Variants in HIVEP3 observed in about 807,000 individuals in gnomAD.
HIVEP3 encodes transcription factor HIVEP3.
A neutral mutation model predicts 152.8 loss-of-function variants in HIVEP3; 49 were observed. The ratio of observed to expected loss-of-function variants is 0.32; its 90% CI spans 0.26 to 0.41. HIVEP3 has a LOEUF of 0.41. Ranked by LOEUF, HIVEP3 falls within the 10% of genes least tolerant of loss-of-function variation. The pLI is 1.00. For synonymous variants in HIVEP3, 1,269 were observed against 1,289.0 expected, an observed-to-expected ratio of 0.98 and a Z score of 0.33; for missense variants, 2,790 against 3,103.3, an observed-to-expected ratio of 0.90 and a Z score of 2.40.
At chr1:41,881,416 C>T (rs139804594) in intron 1 of HIVEP3, among the ~76,000 whole-genome samples, 1 of 152,300 alleles carries the variant, frequency 6.6e-6, no homozygotes, top group Non-Finnish European at 1.5e-5. Context: ...CAAAATTTCA[C>T]ATTCTTATCC....
intron 1 of HIVEP3, among the ~76,000 whole-genome samples, chr1:41,706,946 GT>G (rs1295802611): frequency 1.3e-5 from 2 of 152,344 alleles, no homozygotes; most frequent in Admixed American, 1.3e-4. Flanking sequence ...TAGGAGTTCA[GT>G]TCAAATAAAA....
intron 1 of HIVEP3, among the ~76,000 whole-genome samples, chr1:41,860,889 G>A (rs564591131): frequency 6.6e-6 from 1 of 152,240 alleles, no homozygotes; most frequent in Non-Finnish European, 1.5e-5. Context: ...GAAAGCAGCA[G>A]AGCAGCGAAA....
At chr1:41,923,660 CAAAG>C (rs930560584), upstream of HIVEP3, among the ~76,000 whole-genome samples, 1 of 152,126 alleles carries the variant, frequency 6.6e-6, no homozygotes, top group Non-Finnish European at 1.5e-5. Context: ...GTTCTCACCA[CAAAG>C]AAAGGGTAAA....
At chr1:41,881,039 T>C (rs1403394556) in intron 1 of HIVEP3, among the ~76,000 whole-genome samples, 1 of 152,204 alleles carries the variant, frequency 6.6e-6, no homozygotes, top group African/African-American at 2.4e-5. Context: ...TATTCCACAA[T>C]GCAAGTTCCT....
chr1:41,763,387 C>T (rs1339081305), intron 1 of HIVEP3, among the ~76,000 whole-genome samples: 1 of 152,194 alleles, frequency 6.6e-6, no homozygotes, highest in Non-Finnish European at 1.5e-5. Context: ...CACACTCCAT[C>T]TGGCTGCAGC....
At chr1:41,987,058 A>G (rs914153910) in intron 1 of HIVEP3, among the ~76,000 whole-genome samples, 5 of 152,260 alleles carry the variant, frequency 3.3e-5, no homozygotes, top group African/African-American at 9.6e-5. Flanking sequence ...TCATTTATAC[A>G]TTCTGCTAAA....
At chr1:41,681,885 A>C (rs772261107) in intron 2 of HIVEP3, among the ~76,000 whole-genome samples, 22 of 152,212 alleles carry the variant, frequency 1.4e-4, no homozygotes, top group Non-Finnish European at 3.1e-4. Flanking sequence ...CGATTCATTT[A>C]CAAATCTGCT....
At chr1:41,993,049 G>A (rs1321966647) in intron 1 of HIVEP3, among the ~76,000 whole-genome samples, 319 of 150,252 alleles carry the variant, frequency 2.1e-3, no homozygotes, top group Non-Finnish European at 3.8e-3. Context: ...AAAAACCCTA[G>A]AAGAAAACCT....
At chr1:41,549,969 T>C (rs941661713) in intron 5 of HIVEP3, among the ~76,000 whole-genome samples, 7 of 152,200 alleles carry the variant, frequency 4.6e-5, no homozygotes, top group African/African-American at 1.7e-4. Flanking sequence ...TCCTGAATGG[T>C]ATTGCCTAGG....
chr1:41,581,710 C>T lies in HIVEP3; in HGVS notation c.3088G>A (p.Ala1030Thr). 1.2e-6 allele frequency: 2 copies of T among 1,612,870 alleles called. No individual in the cohort carries two copies. Among genetic ancestry groups the T allele is most frequent in the Non-Finnish European group, 8.5e-7 (1 of 1,179,544 alleles). ...LTGPSAPAPVAPPARVAPPER... is the reference protein window; with the variant it reads ...LTGPSAPAPVTPPARVAPPER... ...GGCGGGGCCACCCGCGCTGGTGGAGCCACTGGGGCTGGAGCAGAAGGGCCT... is the reference window on the plus strand; with the variant it reads ...GGCGGGGCCACCCGCGCTGGTGGAGTCACTGGGGCTGGAGCAGAAGGGCCT... The change falls in exon 4 of 9, where the codon GCT becomes ACT. Residue 1030 changes from alanine (A) to threonine (T), a missense_variant. Physicochemically the swap from Ala to Thr is moderately conservative, Grantham distance 58 (BLOSUM62 0). Around this residue, in one of 9 missense-constraint regions of HIVEP3, gnomAD observed 1,078 missense variants for 1,165.3 expected, o/e 0.93. Transcript: ENST00000372583. This position sits in a 1 kb window ranked among gnomAD's most constrained non-coding sequence, Gnocchi z 4.5.
At chr1:41,920,917 CTTA>C (rs1644938044), upstream of HIVEP3, among the ~76,000 whole-genome samples, 1 of 152,164 alleles carries the variant, frequency 6.6e-6, no homozygotes. Flanking sequence ...TAAGTCTCAC[CTTA>C]TTCTGTTCTC....
intron 1 of HIVEP3, among the ~76,000 whole-genome samples, chr1:41,803,006 A>G (rs1210032810): frequency 6.6e-6 from 1 of 152,210 alleles, no homozygotes; most frequent in African/African-American, 2.4e-5. Context: ...GCCCCTGGCA[A>G]TGCTGGGTTC....
At chr1:41,587,929 G>A (rs1008975171) in intron 3 of HIVEP3, among the ~76,000 whole-genome samples, 4 of 152,168 alleles carry the variant, frequency 2.6e-5, no homozygotes, top group Admixed American at 1.3e-4. Context: ...CTGTATCCAC[G>A]GCAAGAGGGA....
intron 1 of HIVEP3, among the ~76,000 whole-genome samples, chr1:41,757,695 G>GTATTTATTTATTTATTTATTTATT (rs56130199): frequency 3.1e-4 from 45 of 145,236 alleles, no homozygotes; most frequent in East Asian, 1.4e-3. Context: ...TTTCTACTTT[G>GTATTTATTTATTTATTTATTTATT]TATTTATTTA....
At chr1:41,817,781 C>A (rs531777696) in intron 1 of HIVEP3, among the ~76,000 whole-genome samples, 17 of 152,334 alleles carry the variant, frequency 1.1e-4, no homozygotes, top group Admixed American at 1.1e-3. Context: ...TGAAGCACTA[C>A]TGGGAGGTTA....
At chr1:41,620,202 C>T (rs376350387) in intron 3 of HIVEP3, among the ~76,000 whole-genome samples, 1 of 152,208 alleles carries the variant, frequency 6.6e-6, no homozygotes, top group African/African-American at 2.4e-5. Flanking sequence ...TGACAGGTGG[C>T]ACAGGTGGGT....
At chr1:41,928,428 C>T (rs1357163533) in intron 1 of HIVEP3, among the ~76,000 whole-genome samples, 1 of 152,180 alleles carries the variant, frequency 6.6e-6, no homozygotes, top group Non-Finnish European at 1.5e-5. Flanking sequence ...AGTTCCCATA[C>T]ACCCTTTACC....
chr1:41,662,733 C>G lies in HIVEP3; in HGVS notation c.-720-33786G>C. On this transcript the variant is annotated intron_variant, in intron 2 of 8. Transcript: ENST00000372583. The surrounding 1 kb of genome is among the most constrained non-coding windows in gnomAD (Gnocchi z 7.2). ...CTCCGCGCCCGCCCCGGCTCCGGCGCTGTCTTTTCCTCCTGGGCCCTCTAG... is the reference window on the plus strand; with the variant it reads ...CTCCGCGCCCGCCCCGGCTCCGGCGGTGTCTTTTCCTCCTGGGCCCTCTAG... 6.6e-6 allele frequency among the ~76,000 whole-genome samples: 1 copy of G among 151,918 alleles called. No individual in the cohort carries two copies. Among genetic ancestry groups the G allele is most frequent in the East Asian group, 2.0e-4 (1 of 5,108 alleles).
chr1:41,704,878 A>G (rs931556107), intron 1 of HIVEP3, among the ~76,000 whole-genome samples: 2 of 152,216 alleles, frequency 1.3e-5, no homozygotes, highest in Non-Finnish European at 2.9e-5. Context: ...AGTTCCATGC[A>G]TTCATTCATC....
Sources: gnomAD v4.1 joint callset for allele counts (sites outside exome capture counted in the v4.1 genomes callset) on GRCh38, gnomAD v4.1.1 for gene constraint, gnomAD v4.1.1 regional missense constraint, Gnocchi (gnomAD v3.1) non-coding constraint, MANE v1.5 for transcripts, NCBI Gene and HGNC (gene_info 2026-07-23, HGNC 2026-07-21) for gene names.